CRB1: variants seen among roughly 807,000 people sequenced by gnomAD.
CRB1 encodes protein crumbs homolog 1.
In CRB1, 83 loss-of-function variants were observed where a neutral mutation model predicts 120.0. The ratio of observed to expected loss-of-function variants is 0.69; its 90% confidence interval spans 0.58 to 0.83. CRB1 has a LOEUF of 0.83. Among genes scored for constraint, CRB1 ranks in the 40% least tolerant of loss-of-function variants. The pLI, the probability that CRB1 is intolerant of heterozygous loss-of-function variation, is 0.00. For synonymous variants in CRB1, 625 were observed against 612.5 expected (o/e 1.02, Z -0.30); for missense variants, 1,699 against 1,687.6 (o/e 1.01, Z -0.12).
At chr1:197,377,067 T>G (rs1479462868) in intron 5 of CRB1, among the ~76,000 whole-genome samples, 1 of 152,106 alleles carries the variant, frequency 6.6e-6, no homozygotes, top group Non-Finnish European at 1.5e-5. Flanking sequence ...AGACCACTTT[T>G]CCAGAGAGGT....
intron 11 of CRB1, among the ~76,000 whole-genome samples, chr1:197,464,869 G>T (rs1211792772): frequency 6.6e-6 from 1 of 152,114 alleles, no homozygotes; most frequent in Non-Finnish European, 1.5e-5. Context: ...AGAAAACAGA[G>T]AACCTGATCT....
chr1:197,311,933 A>C (rs1322215741), intron 1 of CRB1, among the ~76,000 whole-genome samples: 1 of 151,990 alleles, frequency 6.6e-6, no homozygotes, highest in Non-Finnish European at 1.5e-5. Context: ...TTTGAGTGAT[A>C]TATCTTTCTT....
At chr1:197,249,287 A>G in the CRB1 span, among the ~76,000 whole-genome samples, 1 of 151,928 alleles carries the variant, frequency 6.6e-6, no homozygotes, top group Non-Finnish European at 1.5e-5. Flanking sequence ...CTTTTGATGG[A>G]CATACATTTT....
intron 6 of CRB1, 109 bp from the exon 7 acceptor site, chr1:197,427,345 G>A: frequency 2.4e-6 from 2 of 821,556 alleles, no homozygotes; most frequent in South Asian, 2.9e-5. Context: ...GTATGCTTGT[G>A]TGCATGTGTG....
At chr1:197,230,810 C>T in the CRB1 span, among the ~76,000 whole-genome samples, 2 of 152,250 alleles carry the variant, frequency 1.3e-5, no homozygotes, top group African/African-American at 2.4e-5. Flanking sequence ...ATAGAGCATG[C>T]ACTCTAGTAT....
intron 5 of CRB1, among the ~76,000 whole-genome samples, chr1:197,399,823 C>T (rs1020092539): frequency 7.9e-5 from 12 of 152,178 alleles, no homozygotes; most frequent in South Asian, 4.2e-4. Flanking sequence ...GACTGAGGAT[C>T]TCAGTTTCTT....
chr1:197,343,071 C>T (rs1358001689), intron 2 of CRB1, among the ~76,000 whole-genome samples: 2 of 152,018 alleles, frequency 1.3e-5, no homozygotes, highest in African/African-American at 4.8e-5. Flanking sequence ...AAAAAACAAT[C>T]AAATTTAATA....
At chr1:197,281,406 T>G (rs551945417) in intron 1 of CRB1, among the ~76,000 whole-genome samples, 1 of 152,030 alleles carries the variant, frequency 6.6e-6, no homozygotes, top group Admixed American at 6.6e-5. Flanking sequence ...TACTTGCTCA[T>G]GTAGTCAGGA....
chr1:197,410,051 C>T (rs1205025576), intron 5 of CRB1, among the ~76,000 whole-genome samples: 1 of 152,188 alleles, frequency 6.6e-6, no homozygotes, highest in African/African-American at 2.4e-5. Context: ...TCCCAAAGTG[C>T]TGGCATTACA....
chr1:197,425,799 C>G (rs1223544753), intron 6 of CRB1, among the ~76,000 whole-genome samples: 1 of 151,732 alleles, frequency 6.6e-6, no homozygotes, highest in Non-Finnish European at 1.5e-5. Context: ...ACTTCTTGGA[C>G]CTCTCATTTT....
At chr1:197,303,545 A>C (rs1216439889) in intron 1 of CRB1, among the ~76,000 whole-genome samples, 1 of 151,866 alleles carries the variant, frequency 6.6e-6, no homozygotes, top group Non-Finnish European at 1.5e-5. Flanking sequence ...ATTATCTACC[A>C]TCTAGCTTTA....
chr1:197,472,820 T>C (rs943663865), intron 11 of CRB1, among the ~76,000 whole-genome samples: 2 of 152,132 alleles, frequency 1.3e-5, no homozygotes, highest in African/African-American at 4.8e-5. Flanking sequence ...CCTGAGTGGA[T>C]GGTAGGAGTT....
chr1:197,455,242 T>G (rs1666215774), intron 11 of CRB1, among the ~76,000 whole-genome samples: 1 of 152,172 alleles, frequency 6.6e-6, no homozygotes, highest in South Asian at 2.1e-4. Flanking sequence ...CTATCACAGA[T>G]CATTCAGAAA....
chr1:197,251,836 T>A, the CRB1 span, among the ~76,000 whole-genome samples: 6 of 152,154 alleles, frequency 3.9e-5, no homozygotes, highest in East Asian at 1.2e-3. Context: ...GGTAATGTGG[T>A]GTTAAGTAGA....
At chr1:197,350,045 A>G (rs1660004707) in intron 4 of CRB1, among the ~76,000 whole-genome samples, 2 of 150,412 alleles carry the variant, frequency 1.3e-5, no homozygotes, top group Non-Finnish European at 2.9e-5. Context: ...GCTTGCAGTG[A>G]GCCGAGATTG....
At chr1:197,264,432 A>G (rs1256470470), upstream of CRB1, among the ~76,000 whole-genome samples, 1 of 152,182 alleles carries the variant, frequency 6.6e-6, no homozygotes, top group Non-Finnish European at 1.5e-5. Flanking sequence ...TGCATTAAAC[A>G]TATAAAGTAC....
In CRB1 at chr1:197,448,748, CT is replaced by C. The variant is rs11348012; in HGVS notation, c.4005+6462del. On this transcript the variant is annotated intron_variant, in intron 11 of 11. Coordinates refer to ENST00000367400, the MANE Select transcript of CRB1 (RefSeq NM_201253.3). Reference sequence around the variant, plus strand: ...AAAAGCTTACTATTTTATTCCTGCACTTTTTTGCTATTTTGTACTTCTTTTT... The same window carrying C: ...AAAAGCTTACTATTTTATTCCTGCACTTTTTGCTATTTTGTACTTCTTTTT... Among the ~76,000 whole-genome samples the C allele has an allele frequency of 7.0e-3, 1,071 of 152,198 alleles. 16 individuals are homozygous for C. Among genetic ancestry groups the C allele is most frequent in the African/African-American group, 0.024 (1,008 of 41,506 alleles).
chr1:197,222,346 C>T, the CRB1 span: 1 of 747,098 alleles, frequency 1.3e-6, no homozygotes, highest in Non-Finnish European at 2.5e-6. Flanking sequence ...CCAGACGTGG[C>T]TGCATTGTCC....
intron 5 of CRB1, among the ~76,000 whole-genome samples, chr1:197,404,783 T>A (rs1663255926): frequency 6.6e-6 from 1 of 152,234 alleles, no homozygotes; most frequent in Non-Finnish European, 1.5e-5. Flanking sequence ...TGCTTCAATA[T>A]AGCTAAACTT....
Sources: allele counts gnomAD v4.1 joint callset (sites outside exome capture counted in the v4.1 genomes callset), GRCh38; gene constraint gnomAD v4.1.1; transcripts MANE v1.5; gene names NCBI Gene and HGNC (gene_info 2026-07-23, HGNC 2026-07-21).